KCTD15: variants seen among roughly 807,000 people sequenced by gnomAD.
The protein encoded by KCTD15 is BTB/POZ domain-containing protein KCTD15.
A neutral mutation model predicts 27.2 loss-of-function variants in KCTD15; 11 were observed. The observed-to-expected ratio is 0.41, with a 90% CI of 0.25 to 0.67. The LOEUF (loss-of-function observed/expected upper bound fraction) is 0.67. Among genes scored for constraint, KCTD15 ranks in the 30% least tolerant of loss-of-function variants. The pLI is 0.35. For missense variants in KCTD15, 350 were observed against 409.3 expected (o/e 0.86, Z 1.25); for synonymous variants, 163 against 176.0 (o/e 0.93, Z 0.58).
chr19:33,812,989 G>T lies in KCTD15; in HGVS notation c.*41G>T. Reference sequence around the variant, plus strand: ...CCACCTGGGCCCCCCCAGGGACCTGGAAACAGTGCTGGGGAGTTCTGCCTG... The same window carrying T: ...CCACCTGGGCCCCCCCAGGGACCTGTAAACAGTGCTGGGGAGTTCTGCCTG... On this transcript the variant is annotated 3_prime_UTR_variant, in exon 7 of 7. Transcript: ENST00000683859. 6.6e-7 allele frequency: 1 copy of T among 1,512,366 alleles called. No homozygotes were observed. The allele number at this position is 1,512,366 out of a possible 1,614,324, so 93.7% of individuals were successfully genotyped here.
chr19:33,800,512 G>T lies in KCTD15; in HGVS notation c.58G>T (p.Gly20Cys). Residue 20 changes from glycine to cysteine, a missense_variant, in exon 3 of 7, where the codon GGC (glycine) becomes TGC (cysteine). By Grantham distance (159) the Gly-to-Cys change is radical. This residue lies in a region of KCTD15 where 77 missense variants were observed against 72.7 expected (regional missense o/e 1.06). Transcript: ENST00000683859. ...CTCGCTTCACACACACGGCAGCACC[G>T]GCACCGCGGTGAGCCTGCAGGGTGG... ...GSSLHTHGSTGTAEGGNMSRL... is the reference protein window; with the variant it reads ...GSSLHTHGSTCTAEGGNMSRL... 1 of 1,596,420 alleles carries T rather than the reference G, an allele frequency of 6.3e-7. No homozygotes were observed. Among genetic ancestry groups the T allele is most frequent in the Non-Finnish European group, 8.5e-7 (1 of 1,172,740 alleles).
At position 33,812,596 on chromosome 19, in the gene KCTD15, G is replaced by A. The variant is rs1419673315; in HGVS notation, c.694-194G>A. The A allele has an allele frequency of 2.3e-6, 3 of 1,290,920 alleles. No homozygotes were observed. The South Asian group carries it at 8.4e-5, about 36-fold the overall frequency. 80.0% of individuals were successfully genotyped at this position (1,290,920 alleles called of 1,614,324 possible). ...GCTAACCTGAGGGGTCACTGGGCCT[G>A]GCCACTTCTGTCCCTCTGGTGGTGG... On this transcript the variant is annotated intron_variant, in intron 6 of 6. Coordinates refer to ENST00000683859, the MANE Select transcript of KCTD15 (RefSeq NM_001129994.2).
At position 33,815,444 on chromosome 19, in the gene KCTD15, CA is replaced by C. The variant is rs1976063204; in HGVS notation, c.*2497del. 6.6e-6 allele frequency: 1 copy of C among 152,162 alleles called. No homozygotes were observed. The highest frequency in any genetic ancestry group is 1.5e-5 in the Non-Finnish European group (1 of 68,030). The allele number at this position is 152,162 out of a possible 1,614,324, so 9.4% of individuals were successfully genotyped here. A position where few individuals can be genotyped will look rare whatever the true frequency, so the allele number is the denominator to read the frequency against. On this transcript the variant is annotated 3_prime_UTR_variant, in exon 7 of 7. Transcript: ENST00000683859. ...ACACTTCCTGGAATGAGTATATTAT[CA>C]GCAATCTTTTGTCAAATGCCAGCCG...
chr19:33,811,608 C>G (rs763167081), intron 6 of KCTD15, 56 bp downstream of exon 6: 7 of 1,564,020 alleles, frequency 4.5e-6, no homozygotes, highest in Non-Finnish European at 5.2e-6. Context: ...GCGGAGCCCT[C>G]CAGGGGCAGA....
intron 6 of KCTD15, 159 bp downstream of exon 6, chr19:33,811,711 C>T (rs1342166934): frequency 4.6e-6 from 7 of 1,536,708 alleles, no homozygotes; most frequent in Non-Finnish European, 6.2e-6. Flanking sequence ...TAATTTATGT[C>T]CCTCTCATAA....
intron 6 of KCTD15, chr19:33,812,228 A>G: frequency 9.4e-7 from 1 of 1,059,874 alleles, no homozygotes; most frequent in Non-Finnish European, 1.1e-6. Flanking sequence ...ACAGAGGCAC[A>G]AACCCACATA....
intron 2 of KCTD15, chr19:33,799,460 A>T (rs898258543): frequency 6.6e-6 from 1 of 152,182 alleles, no homozygotes; most frequent in Admixed American, 6.5e-5. Context: ...TTCACGTGCA[A>T]ATCTCCTCTT....
chr19:33,802,492 G>T (rs1172593248), intron 4 of KCTD15, among the ~76,000 whole-genome samples: 1 of 152,152 alleles, frequency 6.6e-6, no homozygotes, highest in Non-Finnish European at 1.5e-5. Context: ...CCTTGAGGAG[G>T]AAAAACTGGA....
chr19:33,810,990 C>T (rs1975882550), intron 5 of KCTD15, among the ~76,000 whole-genome samples: 1 of 152,030 alleles, frequency 6.6e-6, no homozygotes, highest in Non-Finnish European at 1.5e-5. Flanking sequence ...TGCCTGGGGC[C>T]AGATGGAAGG....
At chr19:33,800,324 G>C (rs1468890469) in intron 2 of KCTD15, 104 bp from the exon 3 acceptor site, 24 of 898,312 alleles carry the variant, frequency 2.7e-5, no homozygotes, top group Non-Finnish European at 4.1e-5. Flanking sequence ...GACCTCGCAG[G>C]GTCTCAGAGA....
chr19:33,812,720 C>T, intron 6 of KCTD15, 70 bp from the exon 7 acceptor site: 1 of 1,398,148 alleles, frequency 7.2e-7, no homozygotes, highest in Admixed American at 3.4e-5. Context: ...AGGCACCCAC[C>T]TCCCTGCCAG....
chr19:33,794,987 T>C (rs916322161), upstream of KCTD15, among the ~76,000 whole-genome samples: 1 of 152,184 alleles, frequency 6.6e-6, no homozygotes, highest in Non-Finnish European at 1.5e-5. Flanking sequence ...TGGGCAGCCC[T>C]TGGGCCTCGC....
chr19:33,802,305 T>G (rs1975584297), intron 4 of KCTD15, among the ~76,000 whole-genome samples: 2 of 152,162 alleles, frequency 1.3e-5, no homozygotes, highest in African/African-American at 4.8e-5. Context: ...GCATTTGAAA[T>G]AACAGGAGGA....
At chr19:33,807,945 C>CAAA (rs60779290) in intron 5 of KCTD15, among the ~76,000 whole-genome samples, 1 of 135,822 alleles carries the variant, frequency 7.4e-6, no homozygotes, top group African/African-American at 2.6e-5. Flanking sequence ...GACTCTGTCT[C>CAAA]AAAAAAAAAA....
At chr19:33,812,619 T>G (rs1482059970) in intron 6 of KCTD15, 171 bp from the exon 7 acceptor site, 4 of 1,293,182 alleles carry the variant, frequency 3.1e-6, no homozygotes, top group Non-Finnish European at 3.9e-6. Flanking sequence ...CCTCTGGTGG[T>G]GGAACCCAGC....
chr19:33,802,483 C>T (rs1975589732), intron 4 of KCTD15, among the ~76,000 whole-genome samples: 3 of 152,248 alleles, frequency 2.0e-5, no homozygotes, highest in South Asian at 2.1e-4. Flanking sequence ...GGCATGGTCC[C>T]TTGAGGAGGA....
chr19:33,799,205 A>G (rs560062382), intron 2 of KCTD15, among the ~76,000 whole-genome samples: 1 of 152,288 alleles, frequency 6.6e-6, no homozygotes, highest in South Asian at 2.1e-4. Flanking sequence ...TATGTCAGGA[A>G]ACTTGCCCGG....
At chr19:33,794,414 C>T (rs1014944316), upstream of KCTD15, among the ~76,000 whole-genome samples, 2 of 152,204 alleles carry the variant, frequency 1.3e-5, no homozygotes, top group African/African-American at 4.8e-5. Flanking sequence ...AAAACAGTTT[C>T]GCTTATACCA....
intron 5 of KCTD15, among the ~76,000 whole-genome samples, chr19:33,810,000 G>A (rs946522139): frequency 6.6e-6 from 1 of 152,236 alleles, no homozygotes; most frequent in Non-Finnish European, 1.5e-5. Context: ...CAGGCCCAGA[G>A]GTCAGGGTTA....
Sources: gnomAD v4.1 joint callset for allele counts (sites outside exome capture counted in the v4.1 genomes callset) on GRCh38, gnomAD v4.1.1 for gene constraint, gnomAD v4.1.1 regional missense constraint, MANE v1.5 for transcripts, NCBI Gene and HGNC (gene_info 2026-07-23, HGNC 2026-07-21) for gene names.